The following CNTNAP5 variants were observed in gnomAD, a reference collection of about 807,000 sequenced individuals.
CNTNAP5 encodes contactin associated protein family member 5.
Under a neutral mutation model 150.2 loss-of-function variants are expected in CNTNAP5, and 72 were observed. The ratio of observed to expected loss-of-function variants is 0.48; its 90% CI spans 0.40 to 0.58. The LOEUF (loss-of-function observed/expected upper bound fraction) is 0.58, where lower values mean the gene tolerates loss of function less well. Among genes scored for constraint, CNTNAP5 ranks in the 20% least tolerant of loss-of-function variants. CNTNAP5 has a pLI of 0.00. For missense variants in CNTNAP5, 1,636 were observed against 1,626.2 expected, an observed-to-expected ratio of 1.01 and a Z score of -0.10; for synonymous variants, 672 against 619.8, an observed-to-expected ratio of 1.08 and a Z score of -1.25.
At chr2:124,835,340 C>T (rs919511474) in intron 19 of CNTNAP5, among the ~76,000 whole-genome samples, 1 of 151,986 alleles carries the variant, frequency 6.6e-6, no homozygotes, top group Non-Finnish European at 1.5e-5. Flanking sequence ...TCAATTATTG[C>T]CCTGTGTAAA....
chr2:124,272,559 G>T (rs1442950875), intron 3 of CNTNAP5, among the ~76,000 whole-genome samples: 1 of 152,174 alleles, frequency 6.6e-6, no homozygotes, highest in Non-Finnish European at 1.5e-5. Flanking sequence ...TTAAAGTCAA[G>T]ATAATGTAAT....
chr2:124,172,084 A>T (rs1254310499), intron 1 of CNTNAP5, among the ~76,000 whole-genome samples: 1 of 152,194 alleles, frequency 6.6e-6, no homozygotes, highest in Admixed American at 6.5e-5. Flanking sequence ...CCTCATGCCT[A>T]TATTTAAAAT....
chr2:124,042,943 ACT>A (rs1681422973), intron 1 of CNTNAP5, among the ~76,000 whole-genome samples: 1 of 152,084 alleles, frequency 6.6e-6, no homozygotes, highest in Non-Finnish European at 1.5e-5. Flanking sequence ...TTTAGATGAC[ACT>A]CTCTACCTTA....
Position 124,221,784 on chromosome 2 carries a change from C to T in CNTNAP5, c.162C>T (p.Ser54=). 6.2e-7 allele frequency: 1 copy of T among 1,609,612 alleles called. No individual in the cohort carries two copies. The highest frequency in any genetic ancestry group is 8.5e-7 in the Non-Finnish European group (1 of 1,177,512). The change falls in exon 2 of 24, where the codon AGC becomes AGT. Residue 54 remains serine, a synonymous_variant. Coordinates refer to ENST00000682447, the MANE Select transcript of CNTNAP5 (RefSeq NM_001367498.1). ...SSSSDLTGTH[S]PAQLNWRVGT... is the part of the protein sequence containing the mutation. ...CCTCAGACCTCACTGGCACTCACAG[C>T]CCAGCTCAACTCAACTGGAGAGTTG...
chr2:124,529,033 G>A (rs1280984806), intron 10 of CNTNAP5, among the ~76,000 whole-genome samples: 2 of 151,358 alleles, frequency 1.3e-5, no homozygotes, highest in Admixed American at 6.6e-5. Flanking sequence ...AACAAATCAT[G>A]CAGATTTTCT....
intron 21 of CNTNAP5, among the ~76,000 whole-genome samples, chr2:124,892,372 C>A (rs1305238896): frequency 6.6e-6 from 1 of 152,054 alleles, no homozygotes; most frequent in Non-Finnish European, 1.5e-5. Flanking sequence ...GGGTTCCTTG[C>A]CCTACAGAAA....
In CNTNAP5 at chr2:124,106,017, A is replaced by G. The variant is rs150392398; in HGVS notation, c.82+80285A>G. On this transcript the variant is annotated intron_variant, in intron 1 of 23. Coordinates refer to ENST00000682447, the MANE Select transcript of CNTNAP5 (RefSeq NM_001367498.1). Reference sequence around the variant, plus strand: ...TTTTTTATTCATTTAATCTTTCATGAAATGGAAAAGGAGAATTGAAATCTA... The same window carrying G: ...TTTTTTATTCATTTAATCTTTCATGGAATGGAAAAGGAGAATTGAAATCTA... 1.4e-3 allele frequency among the ~76,000 whole-genome samples: 206 copies of G among 152,286 alleles called. 1 individual carries two copies. Among genetic ancestry groups the G allele is most frequent in the African/African-American group, 4.7e-3 (194 of 41,558 alleles).
chr2:124,560,873 C>G (rs1049581706), intron 10 of CNTNAP5, among the ~76,000 whole-genome samples: 3 of 151,872 alleles, frequency 2.0e-5, no homozygotes, highest in African/African-American at 7.3e-5. Context: ...TTTCTTGTGT[C>G]TCAAAACTTG....
At chr2:124,025,967 G>A (rs1680876491) in intron 1 of CNTNAP5, among the ~76,000 whole-genome samples, 1 of 152,148 alleles carries the variant, frequency 6.6e-6, no homozygotes, top group Non-Finnish European at 1.5e-5. Flanking sequence ...CAAGGGATAA[G>A]GAAAGGTTTC....
chr2:124,798,803 T>C (rs1681903121), intron 19 of CNTNAP5, among the ~76,000 whole-genome samples: 1 of 152,146 alleles, frequency 6.6e-6, no homozygotes, highest in Non-Finnish European at 1.5e-5. Context: ...GGGGAATAGG[T>C]GGCTTGCTTC....
At chr2:124,742,019 C>T (rs1157905231) in intron 13 of CNTNAP5, among the ~76,000 whole-genome samples, 1 of 152,052 alleles carries the variant, frequency 6.6e-6, no homozygotes, top group Admixed American at 6.6e-5. Context: ...CTGCAGCTGG[C>T]AATCTAAATT....
At chr2:124,499,512 G>A (rs951431760) in intron 7 of CNTNAP5, among the ~76,000 whole-genome samples, 5 of 152,300 alleles carry the variant, frequency 3.3e-5, no homozygotes, top group African/African-American at 7.2e-5. Flanking sequence ...AAGGCACAAC[G>A]TATGTCTAGA....
At chr2:124,310,164 A>G (rs1397386465) in intron 3 of CNTNAP5, among the ~76,000 whole-genome samples, 2 of 151,476 alleles carry the variant, frequency 1.3e-5, no homozygotes, top group Non-Finnish European at 2.9e-5. Flanking sequence ...GCAGATTTCT[A>G]TTCCTAGCAT....
At position 124,443,560 on chromosome 2, in the gene CNTNAP5, G is replaced by A. The variant is rs187405298; in HGVS notation, c.734-3193G>A. On this transcript the variant is annotated intron_variant, in intron 5 of 23. Coordinates refer to ENST00000682447, the MANE Select transcript of CNTNAP5 (RefSeq NM_001367498.1). Reference sequence around the variant, plus strand: ...GTGATTACCTGGGGCTATGGAAGATGAGCAGATGGAGGAAGTGAGGAAGGG... The same window carrying A: ...GTGATTACCTGGGGCTATGGAAGATAAGCAGATGGAGGAAGTGAGGAAGGG... 2.2e-3 allele frequency among the ~76,000 whole-genome samples: 332 copies of A among 152,216 alleles called. 3 individuals carry two copies. The highest frequency in any genetic ancestry group is 7.2e-3 in the African/African-American group (297 of 41,522).
chr2:124,511,650 A>T (rs1694593897), intron 8 of CNTNAP5, among the ~76,000 whole-genome samples: 1 of 152,178 alleles, frequency 6.6e-6, no homozygotes, highest in Non-Finnish European at 1.5e-5. Flanking sequence ...CCCACCCCTT[A>T]TTATCTTCAA....
At chr2:124,728,038 T>A (rs1019404864) in intron 13 of CNTNAP5, among the ~76,000 whole-genome samples, 1 of 152,142 alleles carries the variant, frequency 6.6e-6, no homozygotes, top group African/African-American at 2.4e-5. Context: ...TGCAAATATT[T>A]TTTTCTGCAT....
At chr2:124,147,954 A>G (rs1236334955) in intron 1 of CNTNAP5, among the ~76,000 whole-genome samples, 1 of 152,228 alleles carries the variant, frequency 6.6e-6, no homozygotes, top group Non-Finnish European at 1.5e-5. Flanking sequence ...CTTTGCGAAC[A>G]CGATGCTGAT....
At chr2:124,095,156 A>T (rs913433864) in intron 1 of CNTNAP5, among the ~76,000 whole-genome samples, 4 of 152,324 alleles carry the variant, frequency 2.6e-5, no homozygotes, top group Non-Finnish European at 5.9e-5. Flanking sequence ...ATGGAATACC[A>T]TGCAGCCATG....
chr2:124,213,686 G>C (rs889664434), intron 1 of CNTNAP5, among the ~76,000 whole-genome samples: 1 of 152,124 alleles, frequency 6.6e-6, no homozygotes, highest in Non-Finnish European at 1.5e-5. Context: ...ATTAGATTTA[G>C]AGCATGAAAG....
Sources: allele counts gnomAD v4.1 joint callset (sites outside exome capture counted in the v4.1 genomes callset), GRCh38; gene constraint gnomAD v4.1.1; transcripts MANE v1.5; gene names NCBI Gene and HGNC (gene_info 2026-07-23, HGNC 2026-07-21).